KDM3B: variants seen among roughly 807,000 people sequenced by gnomAD.
KDM3B encodes lysine-specific demethylase 3B.
A neutral mutation model predicts 170.0 loss-of-function variants in KDM3B; 10 were observed. The observed-to-expected ratio is 0.06, with a 90% confidence interval of 0.04 to 0.10. The LOEUF (loss-of-function observed/expected upper bound fraction) is 0.10. Among genes scored for constraint, KDM3B ranks in the 10% least tolerant of loss-of-function variants. KDM3B has a pLI of 1.00. For synonymous variants in KDM3B, 831 were observed against 834.8 expected (o/e 1.00, Z 0.08); for missense variants, 1,394 against 2,195.2 (o/e 0.64, Z 7.29).
At chr5:138,377,372 G>C (rs1762024178) in intron 3 of KDM3B, among the ~76,000 whole-genome samples, 1 of 152,166 alleles carries the variant, frequency 6.6e-6, no homozygotes, top group Non-Finnish European at 1.5e-5. Flanking sequence ...AATCCTAATT[G>C]ATCCTAGCAT....
intron 2 of KDM3B, 71 bp downstream of exon 2, chr5:138,372,912 A>T (rs1761908341): frequency 7.2e-7 from 1 of 1,379,628 alleles, no homozygotes; most frequent in Non-Finnish European, 9.9e-7. Context: ...CATGTTAGGG[A>T]CAGAGTATGT....
Position 138,435,543 on chromosome 5 carries a change from A to T in KDM3B, c.5206-77A>T, listed in dbSNP as rs1422429759. On this transcript the variant is annotated intron_variant, in intron 23 of 23. Transcript: ENST00000314358. ...TTTTTGGGAGTTTCCCCACTAAACC[A>T]GTAGGCTTACAGTCAAGGTAGAACG... is the stretch of plus-strand genomic sequence containing the variant. 7.8e-6 allele frequency: 9 copies of T among 1,155,166 alleles called. No homozygotes were observed. In the Admixed American group the frequency reaches 1.7e-4, roughly 22 times the overall value. The allele number at this position is 1,155,166 out of a possible 1,614,324, so 71.6% of individuals were successfully genotyped here.
rs756336918 is a variant in KDM3B at position 138,377,709 on chromosome 5, A to G, written c.475-11A>G. 1.3e-6 allele frequency: 2 copies of G among 1,590,996 alleles called. No homozygotes were observed. The highest frequency in any genetic ancestry group is 8.6e-7 in the Non-Finnish European group (1 of 1,159,588). On this transcript the variant is annotated splice_polypyrimidine_tract_variant and intron_variant, in intron 3 of 23. Transcript: ENST00000314358. ...TAACATTCAGTTGTTTTCTTCTTTT[A>G]TCTTTACCAGATGGGAACAGATAGC...
chr5:138,353,085 A>C, intron 1 of KDM3B, 98 bp downstream of exon 1: 1 of 951,122 alleles, frequency 1.1e-6, no homozygotes, highest in Non-Finnish European at 1.3e-6. Context: ...GATGGGGGTG[A>C]CCCATTTCCG....
At chr5:138,394,007 ACCC>A (rs1762494336) in intron 9 of KDM3B, among the ~76,000 whole-genome samples, 1 of 152,142 alleles carries the variant, frequency 6.6e-6, no homozygotes, top group South Asian at 2.1e-4. Flanking sequence ...ATGTGTGCCA[ACCC>A]TTGTTCTGGC....
intron 11 of KDM3B, among the ~76,000 whole-genome samples, chr5:138,401,281 A>AC (rs953818663): frequency 2.0e-5 from 3 of 151,806 alleles, no homozygotes; most frequent in Non-Finnish European, 2.9e-5. Flanking sequence ...AAAAAAAAAA[A>AC]AAAAACCAAA....
chr5:138,374,873 A>G (rs919003018), intron 2 of KDM3B, among the ~76,000 whole-genome samples: 3 of 152,216 alleles, frequency 2.0e-5, no homozygotes, highest in South Asian at 4.1e-4. Flanking sequence ...TTTTTAGCCA[A>G]TAAGAGTATT....
chr5:138,398,391 C>G lies in KDM3B; in HGVS notation c.3045C>G (p.His1015Gln). The change falls in exon 10 of 24, where the codon CAC becomes CAG. Residue 1015 changes from histidine to glutamine, a missense_variant and splice_region_variant. Transcript: ENST00000314358. ...EKEAMMMVEP[H>Q]QKVAWKRAVR... ...AGGCCATGATGATGGTGGAGCCACA[C>G]CGTAAGTCACCTTCTCACTTGTCTT... The G allele has an allele frequency of 1.9e-6, 3 of 1,612,786 alleles. No homozygotes were observed. The highest frequency in any genetic ancestry group is 2.5e-6 in the Non-Finnish European group (3 of 1,179,278).
chr5:138,421,093 T>A, intron 15 of KDM3B, 131 bp downstream of exon 15: 1 of 1,108,194 alleles, frequency 9.0e-7, no homozygotes, highest in Non-Finnish European at 1.3e-6. Context: ...GGTCTCTCTT[T>A]AAAGTTTTGG....
chr5:138,421,281 GA>G (rs1367500034), intron 15 of KDM3B, among the ~76,000 whole-genome samples: 1 of 152,046 alleles, frequency 6.6e-6, no homozygotes, highest in Non-Finnish European at 1.5e-5. Context: ...TATTCTCTTG[GA>G]TATCTAATAG....
At chr5:138,431,786 G>T (rs750196511) in intron 23 of KDM3B, among the ~76,000 whole-genome samples, 1 of 151,950 alleles carries the variant, frequency 6.6e-6, no homozygotes, top group Non-Finnish European at 1.5e-5. Flanking sequence ...GATGGCGCAT[G>T]CCTGTAGTCC....
At chr5:138,402,786 T>C (rs77349248) in intron 11 of KDM3B, among the ~76,000 whole-genome samples, 20 of 152,336 alleles carry the variant, frequency 1.3e-4, no homozygotes, top group African/African-American at 4.8e-4. Context: ...TGCCCTGGCT[T>C]ACTGCTTAGG....
intron 23 of KDM3B, among the ~76,000 whole-genome samples, chr5:138,432,599 G>A (rs557620427): frequency 6.6e-6 from 1 of 152,104 alleles, no homozygotes; most frequent in Non-Finnish European, 1.5e-5. Flanking sequence ...AACCTGGGAG[G>A]CAGAGGTTGC....
At chr5:138,387,133 C>T (rs3798149) in intron 7 of KDM3B, among the ~76,000 whole-genome samples, 106,658 of 152,012 alleles carry the variant, frequency 0.7, 37,889 homozygotes, top group South Asian at 0.86. Flanking sequence ...CCTATCTTCA[C>T]CTTTTTAAGC....
chr5:138,355,015 C>T (rs1203604932), intron 1 of KDM3B, among the ~76,000 whole-genome samples: 3 of 151,266 alleles, frequency 2.0e-5, no homozygotes, highest in Non-Finnish European at 4.4e-5. Flanking sequence ...TTCTTTTTTT[C>T]TCATTAAGAG....
At chr5:138,375,235 CTAT>C (rs762238126) in intron 3 of KDM3B, 29 bp downstream of exon 3, 176 of 1,458,306 alleles carry the variant, frequency 1.2e-4, no homozygotes, top group Non-Finnish European at 1.5e-4. Context: ...AGTCTTGAGC[CTAT>C]TATTTTTTTC....
intron 23 of KDM3B, among the ~76,000 whole-genome samples, chr5:138,432,719 C>CTCTTT (rs1409080071): frequency 6.6e-6 from 1 of 152,088 alleles, no homozygotes; most frequent in Non-Finnish European, 1.5e-5. Context: ...TCACTGTGGC[C>CTCTTT]TCTTTTCTTC....
chr5:138,435,726 G>C lies in KDM3B; in HGVS notation c.*26G>C. The stretch of plus-strand genomic sequence containing the variant: ...GCATGGAGAAACTCCAAGCTCCTCT[G>C]TGAAGCAGGTCTTTCACTCACAACA... On this transcript the variant is annotated 3_prime_UTR_variant, in exon 24 of 24. Coordinates refer to ENST00000314358, the MANE Select transcript of KDM3B (RefSeq NM_016604.4). 1 of 1,568,608 alleles carries C rather than the reference G, an allele frequency of 6.4e-7. No homozygotes were observed.
chr5:138,361,735 T>C (rs1761614485), intron 1 of KDM3B, among the ~76,000 whole-genome samples: 1 of 152,234 alleles, frequency 6.6e-6, no homozygotes, highest in Non-Finnish European at 1.5e-5. Flanking sequence ...CTGCTCATCC[T>C]TCAGGCCCAT....
Sources: allele counts gnomAD v4.1 joint callset (sites outside exome capture counted in the v4.1 genomes callset), GRCh38; gene constraint gnomAD v4.1.1; transcripts MANE v1.5; gene names NCBI Gene and HGNC (gene_info 2026-07-23, HGNC 2026-07-21).